The following HMCN1 variants were observed in gnomAD, a reference collection of about 807,000 sequenced individuals.
HMCN1 encodes the protein hemicentin-1.
In HMCN1, 321 loss-of-function variants were observed where a neutral mutation model predicts 625.9. That is an observed-to-expected ratio of 0.51 (90% confidence interval 0.47 to 0.56). The LOEUF is 0.56. Ranked by LOEUF, HMCN1 falls within the 20% of genes least tolerant of loss-of-function variation. The pLI is 0.00. For missense variants in HMCN1, 6,588 were observed against 6,887.3 expected (o/e 0.96, Z 1.54); for synonymous variants, 2,425 against 2,417.6 (o/e 1.00, Z -0.09).
intron 50 of HMCN1, 107 bp from the exon 51 acceptor site, chr1:186,069,556 A>G: frequency 2.7e-6 from 2 of 737,806 alleles, no homozygotes; most frequent in Non-Finnish European, 4.9e-6. Flanking sequence ...GAATTGTCAT[A>G]TGTAAAAAGA....
chr1:185,792,239 C>T (rs2102202806), intron 1 of HMCN1, among the ~76,000 whole-genome samples: 1 of 152,242 alleles, frequency 6.6e-6, no homozygotes, highest in South Asian at 2.1e-4. Context: ...TTGAATGGAC[C>T]ACATAGCATT....
At chr1:185,847,360 T>A (rs562766118) in intron 2 of HMCN1, among the ~76,000 whole-genome samples, 1 of 152,302 alleles carries the variant, frequency 6.6e-6, no homozygotes, top group African/African-American at 2.4e-5. Context: ...TTACTATGTT[T>A]GTTTGATCAA....
At chr1:185,926,796 C>T (rs970470837) in intron 9 of HMCN1, among the ~76,000 whole-genome samples, 1 of 152,184 alleles carries the variant, frequency 6.6e-6, no homozygotes, top group Non-Finnish European at 1.5e-5. Flanking sequence ...ATGTCAGTCA[C>T]TTTGGTCACC....
At chr1:186,160,029 C>T (rs568324336) in intron 97 of HMCN1, among the ~76,000 whole-genome samples, 13 of 150,980 alleles carry the variant, frequency 8.6e-5, no homozygotes, top group East Asian at 2.0e-4. Flanking sequence ...TGGTAGAATT[C>T]GGCTGTGAAT....
intron 29 of HMCN1, among the ~76,000 whole-genome samples, chr1:186,005,031 T>C (rs1225064596): frequency 1.3e-5 from 2 of 152,088 alleles, no homozygotes; most frequent in East Asian, 1.9e-4. Flanking sequence ...ATTAAAACTT[T>C]AGATATCTTT....
At chr1:185,971,347 T>C (rs933712104) in intron 15 of HMCN1, among the ~76,000 whole-genome samples, 4 of 152,232 alleles carry the variant, frequency 2.6e-5, no homozygotes, top group Non-Finnish European at 5.9e-5. Flanking sequence ...ATACAGTGTA[T>C]GCAAGACAAC....
Position 186,132,312 on chromosome 1 carries a change from C to G in HMCN1, c.13231-16C>G. 1 of 1,605,058 alleles carries G rather than the reference C, an allele frequency of 6.2e-7. No homozygotes were observed. The highest frequency in any genetic ancestry group is 1.3e-5 in the African/African-American group (1 of 74,742). On this transcript the variant is annotated splice_polypyrimidine_tract_variant and intron_variant, in intron 85 of 106. Transcript: ENST00000271588. ...GTAGGCTCATATTTTTGTAAAAACG[C>G]TGCTTATTTCCATAGAATGAAGATG... is the stretch of plus-strand genomic sequence containing the variant.
chr1:186,137,863 C>A lies in HMCN1; in HGVS notation c.13815C>A (p.Gly4605=). The change falls in exon 89 of 107, where the codon GGC becomes GGA. Residue 4605 remains glycine, a synonymous_variant. Coordinates refer to ENST00000271588, the MANE Select transcript of HMCN1 (RefSeq NM_031935.3). ...WEECTRSCGR[G]NQTRTRTCNN... ...AATGCACAAGGAGCTGTGGACGCGGCAACCAAACCAGGACCAGGACTTGCA... is the reference window on the plus strand; with the variant it reads ...AATGCACAAGGAGCTGTGGACGCGGAAACCAAACCAGGACCAGGACTTGCA... 6.2e-7 allele frequency: 1 copy of A among 1,614,074 alleles called. No homozygotes were observed. The highest frequency in any genetic ancestry group is 8.5e-7 in the Non-Finnish European group (1 of 1,179,988).
intron 1 of HMCN1, among the ~76,000 whole-genome samples, chr1:185,749,196 C>T (rs1654625357): frequency 6.6e-6 from 1 of 152,144 alleles, no homozygotes; most frequent in African/African-American, 2.4e-5. Context: ...ATTTATGTTT[C>T]AGTGAGACTA....
chr1:185,833,394 C>A (rs897260126), intron 1 of HMCN1, among the ~76,000 whole-genome samples: 3 of 152,134 alleles, frequency 2.0e-5, no homozygotes, highest in African/African-American at 7.2e-5. Context: ...ACAATGTGAA[C>A]TGTGTAATTA....
chr1:185,879,526 T>C (rs1664162263), intron 4 of HMCN1, among the ~76,000 whole-genome samples: 1 of 152,188 alleles, frequency 6.6e-6, no homozygotes, highest in South Asian at 2.1e-4. Context: ...ATATTTTTAC[T>C]ATTAAGTCAC....
chr1:186,079,435 C>T (rs1028963535), intron 55 of HMCN1, among the ~76,000 whole-genome samples: 2 of 152,164 alleles, frequency 1.3e-5, no homozygotes, highest in African/African-American at 2.4e-5. Flanking sequence ...AACTGAGCCC[C>T]GTGCACAGTG....
At chr1:186,117,862 A>G (rs1425073489) in intron 77 of HMCN1, among the ~76,000 whole-genome samples, 1 of 152,194 alleles carries the variant, frequency 6.6e-6, no homozygotes, top group African/African-American at 2.4e-5. Flanking sequence ...ATCTGAATAT[A>G]ATAAACATGA....
intron 11 of HMCN1, among the ~76,000 whole-genome samples, chr1:185,961,843 A>T (rs1419893895): frequency 2.0e-5 from 3 of 152,116 alleles, no homozygotes; most frequent in African/African-American, 7.2e-5. Flanking sequence ...CTGTGCATGC[A>T]CGGACATGAG....
chr1:185,976,093 T>A (rs1455300617), intron 15 of HMCN1, among the ~76,000 whole-genome samples: 1 of 152,182 alleles, frequency 6.6e-6, no homozygotes, highest in Non-Finnish European at 1.5e-5. Flanking sequence ...ACAGGTTGAA[T>A]GTGGTGATTG....
At position 186,088,271 on chromosome 1, in the gene HMCN1, G is replaced by A. The variant is rs368825571; in HGVS notation, c.9572G>A (p.Arg3191His). ...ATAGCATGGTTAAAGAACCACAAGC[G>A]CATAGGTAAGGCAACCATGCATTTT... ...PTIAWLKNHKRIENSDSLEVR... is the reference protein window; with the variant it reads ...PTIAWLKNHKHIENSDSLEVR... The change falls in exon 62 of 107, where the codon CGC becomes CAC. Residue 3191 changes from arginine (R) to histidine (H), a missense_variant. Arg to His is a conservative substitution (Grantham distance 29). This residue lies in a region of HMCN1 where 4,628 missense variants were observed against 4,853.1 expected (regional missense o/e 0.95). Transcript: ENST00000271588. 2.0e-5 allele frequency: 32 copies of A among 1,612,510 alleles called. No individual in the cohort carries two copies. Among genetic ancestry groups the A allele is most frequent in the African/African-American group, 1.5e-4 (11 of 74,940 alleles).
In HMCN1 at chr1:186,130,041, T is replaced by A; in HGVS notation, c.12980T>A (p.Val4327Glu). 6.2e-7 allele frequency: 1 copy of A among 1,613,372 alleles called. No individual in the cohort carries two copies. Among genetic ancestry groups the A allele is most frequent in the South Asian group, 1.1e-5 (1 of 91,088 alleles). Residue 4327 changes from valine to glutamate, a missense_variant, in exon 84 of 107, where the codon GTG becomes GAG. By Grantham distance (121) the Val-to-Glu change is moderately radical. Coordinates refer to ENST00000271588, the MANE Select transcript of HMCN1 (RefSeq NM_031935.3). Reference protein sequence around the residue: ...RVSKEDSGTYVCTAENSVGFV... With the variant: ...RVSKEDSGTYECTAENSVGFV... ...TCAAAAGAGGATTCAGGTACTTATG[T>A]GTGCACCGCAGAGAACAGCGTTGGC...
At chr1:185,911,248 A>C (rs879515752) in intron 5 of HMCN1, among the ~76,000 whole-genome samples, 3 of 152,096 alleles carry the variant, frequency 2.0e-5, no homozygotes, top group Non-Finnish European at 4.4e-5. Flanking sequence ...ACTCTGCATA[A>C]CATTTTTGGT....
intron 47 of HMCN1, among the ~76,000 whole-genome samples, chr1:186,062,206 T>G (rs922573056): frequency 6.6e-6 from 1 of 152,176 alleles, no homozygotes; most frequent in Non-Finnish European, 1.5e-5. Flanking sequence ...AATGACTTGT[T>G]TAATGTGAAT....
Sources: gnomAD v4.1 joint callset for allele counts (sites outside exome capture counted in the v4.1 genomes callset) on GRCh38, gnomAD v4.1.1 for gene constraint, gnomAD v4.1.1 regional missense constraint, MANE v1.5 for transcripts, NCBI Gene and HGNC (gene_info 2026-07-23, HGNC 2026-07-21) for gene names.